Variants in APMAP observed in about 807,000 individuals in gnomAD.
The protein encoded by APMAP is adipocyte plasma membrane associated protein, also known as adipocyte plasma membrane-associated protein.
In APMAP, 33 loss-of-function variants were observed where a neutral mutation model predicts 43.6. The observed-to-expected ratio is 0.76, with a 90% CI of 0.57 to 1.01. APMAP has a LOEUF of 1.01. APMAP is among the 50% of genes least tolerant of loss of function. The pLI is 0.00. For missense variants in APMAP, 498 were observed against 540.7 expected (o/e 0.92, Z 0.78); for synonymous variants, 224 against 216.7 (o/e 1.03, Z -0.30).
intron 2 of APMAP, among the ~76,000 whole-genome samples, chr20:24,983,417 G>T (rs2088120780): frequency 6.6e-6 from 1 of 152,138 alleles, no homozygotes; most frequent in African/African-American, 2.4e-5. Context: ...TTATAAACAT[G>T]AATCTATTTC....
At chr20:24,983,240 C>G (rs1027877733) in intron 2 of APMAP, among the ~76,000 whole-genome samples, 1 of 152,176 alleles carries the variant, frequency 6.6e-6, no homozygotes, top group East Asian at 1.9e-4. Context: ...TAAAGCCTTA[C>G]CTGGACTAAC....
At chr20:24,992,392 A>G (rs950098648) in intron 1 of APMAP, among the ~76,000 whole-genome samples, 21 of 152,218 alleles carry the variant, frequency 1.4e-4, no homozygotes, top group Non-Finnish European at 1.3e-4. Context: ...CGAACCTGAA[A>G]GACCTGGCAG....
chr20:24,975,051 A>T (rs1228730394), intron 3 of APMAP, among the ~76,000 whole-genome samples: 5 of 152,172 alleles, frequency 3.3e-5, no homozygotes, highest in Non-Finnish European at 7.4e-5. Flanking sequence ...GAATATCTAT[A>T]AAAAAATCTA....
intron 8 of APMAP, among the ~76,000 whole-genome samples, chr20:24,966,509 C>T (rs892581547): frequency 2.0e-5 from 3 of 152,210 alleles, no homozygotes; most frequent in Non-Finnish European, 1.5e-5. Context: ...ATGACAGCCG[C>T]GCCAAGATGA....
chr20:24,973,695 A>G lies in APMAP; in HGVS notation c.371T>C (p.Leu124Pro). The G allele has an allele frequency of 1.2e-6, 2 of 1,614,186 alleles. No individual in the cohort carries two copies. The highest frequency in any genetic ancestry group is 1.7e-6 in the Non-Finnish European group (2 of 1,180,002). ...TGTADGRVVKLENGEIETIAR... is the reference protein window; with the variant it reads ...TGTADGRVVKPENGEIETIAR... ...AATGGTCTCTATTTCACCATTTTCA[A>G]GTTTTACGACCCGGCCATCTGCTGT... The change falls in exon 4 of 9, where the codon CTT becomes CCT. Residue 124 changes from leucine to proline, a missense_variant. Leu to Pro is a moderately conservative substitution (Grantham distance 98, BLOSUM62 -3). Transcript: ENST00000217456.
intron 2 of APMAP, among the ~76,000 whole-genome samples, chr20:24,981,295 G>A (rs1242378793): frequency 6.6e-6 from 1 of 152,222 alleles, no homozygotes; most frequent in Non-Finnish European, 1.5e-5. Context: ...TGACAACGTG[G>A]GGAGATGTGA....
intron 8 of APMAP, among the ~76,000 whole-genome samples, chr20:24,965,912 T>C (rs991546159): frequency 8.5e-5 from 13 of 152,158 alleles, no homozygotes; most frequent in Non-Finnish European, 1.8e-4. Flanking sequence ...TGTGGTGTTG[T>C]CATGGTTTTC....
Position 24,992,642 on chromosome 20 carries a change from T to C in APMAP, c.47A>G (p.Gln16Arg). The C allele has an allele frequency of 6.4e-7, 1 of 1,567,668 alleles. No homozygotes were observed. The highest frequency in any genetic ancestry group is 8.6e-7 in the Non-Finnish European group (1 of 1,158,282). ...GLRQRRPLRP[Q>R]VVTDDDGQAP... The stretch of plus-strand genomic sequence containing the variant: ...CTGGCCATCATCGTCTGTGACGACC[T>C]GCGGCCGCAGGGGCCGGCGCTGTCG... The change falls in exon 1 of 9, where the codon CAG becomes CGG. Residue 16 changes from glutamine to arginine, a missense_variant. Transcript: ENST00000217456.
At chr20:24,982,283 GCCA>G (rs2088111698) in intron 2 of APMAP, among the ~76,000 whole-genome samples, 1 of 102,792 alleles carries the variant, frequency 9.7e-6, no homozygotes, top group Non-Finnish European at 1.9e-5. Context: ...TGGTTCCACT[GCCA>G]TTCCGAAAGC....
intron 3 of APMAP, among the ~76,000 whole-genome samples, chr20:24,976,243 GTCAAAAGAA>G (rs755648496): frequency 3.3e-5 from 5 of 152,132 alleles, no homozygotes; most frequent in Non-Finnish European, 7.4e-5. Flanking sequence ...AGAAGATACT[GTCAAAAGAA>G]TGAGAAGCCA....
At chr20:24,966,157 A>C (rs986491358) in intron 8 of APMAP, among the ~76,000 whole-genome samples, 2 of 152,196 alleles carry the variant, frequency 1.3e-5, no homozygotes, top group Non-Finnish European at 2.9e-5. Flanking sequence ...GGGACAATAC[A>C]AGAGGAAACT....
intron 8 of APMAP, chr20:24,964,315 C>T (rs1178225763): frequency 1.7e-6 from 1 of 589,066 alleles, no homozygotes; most frequent in Non-Finnish European, 3.3e-6. Flanking sequence ...CTGAGAGAGA[C>T]ATATCACATC....
chr20:24,979,786 C>A (rs1275563761), intron 2 of APMAP, among the ~76,000 whole-genome samples: 2 of 152,162 alleles, frequency 1.3e-5, no homozygotes, highest in Non-Finnish European at 2.9e-5. Flanking sequence ...CGCAACCTGG[C>A]CACAGCACCT....
At chr20:24,977,411 T>C (rs1438717741) in intron 3 of APMAP, among the ~76,000 whole-genome samples, 1 of 152,108 alleles carries the variant, frequency 6.6e-6, no homozygotes, top group Admixed American at 6.5e-5. Context: ...TAAAAACAAA[T>C]AAAATAAAGC....
intron 3 of APMAP, among the ~76,000 whole-genome samples, chr20:24,976,652 T>C (rs2088052367): frequency 6.6e-6 from 1 of 152,198 alleles, no homozygotes; most frequent in Admixed American, 6.5e-5. Context: ...ACTTAACTCT[T>C]ACCATACAAT....
chr20:24,985,891 G>A (rs1055142921), intron 1 of APMAP, among the ~76,000 whole-genome samples: 1 of 152,204 alleles, frequency 6.6e-6, no homozygotes, highest in Non-Finnish European at 1.5e-5. Context: ...TGGCACTGCT[G>A]GGGAGGGTGC....
Position 24,963,802 on chromosome 20 carries a change from A to G in APMAP, c.*11T>C. ...CCTGGCCTGCGTGGCAGGGGCAGCT[A>G]TCTGGGAGGGCTAAACAGCCTGGAG... On this transcript the variant is annotated 3_prime_UTR_variant, in exon 9 of 9. Coordinates refer to ENST00000217456, the MANE Select transcript of APMAP (RefSeq NM_020531.3). 1 of 1,613,500 alleles carries G rather than the reference A, an allele frequency of 6.2e-7. No individual in the cohort carries two copies. The highest frequency in any genetic ancestry group is 8.5e-7 in the Non-Finnish European group (1 of 1,179,564).
chr20:24,985,706 G>A (rs931212056), intron 1 of APMAP, among the ~76,000 whole-genome samples: 1 of 152,178 alleles, frequency 6.6e-6, no homozygotes, highest in African/African-American at 2.4e-5. Flanking sequence ...AGCTGTGGGT[G>A]AAGGAAGGAA....
At chr20:24,982,947 T>C (rs2088117966) in intron 2 of APMAP, among the ~76,000 whole-genome samples, 1 of 151,556 alleles carries the variant, frequency 6.6e-6, no homozygotes, top group African/African-American at 2.4e-5. Flanking sequence ...ATTACAGAGC[T>C]GACACTCTTG....
Sources: gnomAD v4.1 joint callset for allele counts (sites outside exome capture counted in the v4.1 genomes callset) on GRCh38, gnomAD v4.1.1 for gene constraint, MANE v1.5 for transcripts, NCBI Gene and HGNC (gene_info 2026-07-23, HGNC 2026-07-21) for gene names.